The following CHCHD6 variants were observed in gnomAD, a reference collection of about 807,000 sequenced individuals.
CHCHD6 encodes coiled-coil-helix-coiled-coil-helix domain containing 6.
A neutral mutation model predicts 32.3 loss-of-function variants in CHCHD6; 28 were observed. That is an observed-to-expected ratio of 0.87 (90% CI 0.64 to 1.19). The LOEUF is 1.19. Among genes scored for constraint, CHCHD6 ranks in the 50% most tolerant of loss-of-function variants. The pLI, the probability that CHCHD6 is intolerant of heterozygous loss-of-function variation, is 0.00. For synonymous variants in CHCHD6, 122 were observed against 117.5 expected, an observed-to-expected ratio of 1.04 and a Z score of -0.25; for missense variants, 333 against 307.0, an observed-to-expected ratio of 1.08 and a Z score of -0.63.
intron 4 of CHCHD6, among the ~76,000 whole-genome samples, chr3:126,846,332 T>A (rs1363184567): frequency 6.6e-6 from 1 of 152,118 alleles, no homozygotes; most frequent in Non-Finnish European, 1.5e-5. Context: ...GGGAGGTAGA[T>A]AACAATTTGG....
intron 4 of CHCHD6, among the ~76,000 whole-genome samples, chr3:126,803,298 G>T (rs1485521203): frequency 1.3e-5 from 2 of 152,138 alleles, no homozygotes; most frequent in Non-Finnish European, 2.9e-5. Context: ...AGACCCATTG[G>T]TGTGCTGTAT....
chr3:126,956,234 T>G (rs796080661), intron 6 of CHCHD6, among the ~76,000 whole-genome samples: 18 of 152,312 alleles, frequency 1.2e-4, no homozygotes, highest in African/African-American at 4.3e-4. Context: ...GCTTTCTACA[T>G]TTTTACAGCT....
intron 4 of CHCHD6, chr3:126,766,425 C>T: frequency 1.6e-6 from 1 of 624,386 alleles, no homozygotes; most frequent in Non-Finnish European, 3.0e-6. Context: ...GGAGAAGTCT[C>T]TGGGAGCATC....
At chr3:126,956,594 T>G (rs1244897519) in intron 6 of CHCHD6, among the ~76,000 whole-genome samples, 4 of 87,724 alleles carry the variant, frequency 4.6e-5, no homozygotes, top group Non-Finnish European at 9.8e-5. Context: ...TGTGTCAGTG[T>G]GCGCACGAGA....
At chr3:126,784,277 T>G (rs1022558931) in intron 4 of CHCHD6, among the ~76,000 whole-genome samples, 5 of 152,208 alleles carry the variant, frequency 3.3e-5, no homozygotes, top group Non-Finnish European at 5.9e-5. Context: ...TTCCACTGTT[T>G]TGCTCTTCGT....
chr3:126,874,435 G>A (rs911005260), intron 5 of CHCHD6, among the ~76,000 whole-genome samples: 2 of 152,190 alleles, frequency 1.3e-5, no homozygotes, highest in Non-Finnish European at 2.9e-5. Flanking sequence ...AAGCAGCTGA[G>A]CCCGTCAGGA....
chr3:126,926,747 T>C (rs2078329663), intron 6 of CHCHD6, among the ~76,000 whole-genome samples: 1 of 152,180 alleles, frequency 6.6e-6, no homozygotes, highest in African/African-American at 2.4e-5. Context: ...TAAAAAAGGC[T>C]TTTAAGCAGG....
At chr3:126,891,859 G>T (rs2077764833) in intron 5 of CHCHD6, among the ~76,000 whole-genome samples, 1 of 152,130 alleles carries the variant, frequency 6.6e-6, no homozygotes, top group Non-Finnish European at 1.5e-5. Flanking sequence ...GTGGCAAGGG[G>T]CATGTGAGTT....
At position 126,891,446 on chromosome 3, in the gene CHCHD6, C is replaced by T. The variant is rs146241205; in HGVS notation, c.496-23234C>T. On this transcript the variant is annotated intron_variant, in intron 5 of 7. Coordinates refer to ENST00000290913, the MANE Select transcript of CHCHD6 (RefSeq NM_032343.3). ...GAGTCTAGTGGGAGTGGGAGATGGG[C>T]GGCAGGGGTGAGGCCAGTGAGGGGC... 1.8e-3 allele frequency among the ~76,000 whole-genome samples: 281 copies of T among 152,130 alleles called. 1 individual carries two copies. The highest frequency in any genetic ancestry group is 6.4e-3 in the African/African-American group (267 of 41,526).
At chr3:126,761,583 G>A (rs1937163498) in intron 4 of CHCHD6, among the ~76,000 whole-genome samples, 1 of 152,086 alleles carries the variant, frequency 6.6e-6, no homozygotes, top group Admixed American at 6.6e-5. Context: ...GCACCACCAT[G>A]CCTGGCTAAT....
intron 4 of CHCHD6, among the ~76,000 whole-genome samples, chr3:126,817,290 C>G (rs1263731299): frequency 6.7e-6 from 1 of 149,894 alleles, no homozygotes. Context: ...TTGTTGTTTT[C>G]TCTTTACAAT....
intron 4 of CHCHD6, among the ~76,000 whole-genome samples, chr3:126,808,592 C>T (rs1939517770): frequency 2.0e-5 from 3 of 152,168 alleles, no homozygotes; most frequent in African/African-American, 7.2e-5. Flanking sequence ...TTAATCCATT[C>T]CTGAAGAACT....
chr3:126,930,315 A>G (rs1016400491), intron 6 of CHCHD6, among the ~76,000 whole-genome samples: 1 of 152,212 alleles, frequency 6.6e-6, no homozygotes, highest in Admixed American at 6.5e-5. Flanking sequence ...GAAAATCCCG[A>G]CATTGAAGAC....
chr3:126,892,953 G>GTTGTTTTGTTTTGTT lies in CHCHD6; in HGVS notation c.496-21709_496-21695dup, dbSNP rs199872466. ...TTGTTTTTCTTTTTTTGTTGTTGTT[G>GTTGTTTTGTTTTGTT]TTGTTTTGTTTTGTTTTGTTTTGTT... On this transcript the variant is annotated intron_variant, in intron 5 of 7. Coordinates refer to ENST00000290913, the MANE Select transcript of CHCHD6 (RefSeq NM_032343.3). 1.6e-3 allele frequency among the ~76,000 whole-genome samples: 244 copies of GTTGTTTTGTTTTGTT among 151,702 alleles called. 1 individual carries two copies. The highest frequency in any genetic ancestry group is 5.6e-3 in the African/African-American group (232 of 41,390).
At chr3:126,903,094 C>G (rs563569469) in intron 5 of CHCHD6, among the ~76,000 whole-genome samples, 2 of 152,336 alleles carry the variant, frequency 1.3e-5, no homozygotes, top group South Asian at 2.1e-4. Flanking sequence ...GGGGCCTGCT[C>G]TCAGGAGTGT....
intron 5 of CHCHD6, among the ~76,000 whole-genome samples, chr3:126,900,762 G>A (rs1265053401): frequency 3.3e-5 from 5 of 152,198 alleles, no homozygotes; most frequent in Middle Eastern, 3.4e-3. Context: ...GTGCCACCAC[G>A]CCTGGCTGAT....
At chr3:126,724,678 C>T (rs1467253694) in intron 1 of CHCHD6, among the ~76,000 whole-genome samples, 2 of 152,146 alleles carry the variant, frequency 1.3e-5, no homozygotes, top group Non-Finnish European at 2.9e-5. Flanking sequence ...AGCATTTAAC[C>T]CATAGTGGAG....
At chr3:126,884,433 CAT>C (rs1232971243) in intron 5 of CHCHD6, among the ~76,000 whole-genome samples, 1 of 152,144 alleles carries the variant, frequency 6.6e-6, no homozygotes, top group Admixed American at 6.5e-5. Context: ...TATTGAGCTA[CAT>C]TAGCCCCACA....
intron 6 of CHCHD6, among the ~76,000 whole-genome samples, chr3:126,952,170 G>C (rs2078724778): frequency 6.6e-6 from 1 of 152,198 alleles, no homozygotes; most frequent in African/African-American, 2.4e-5. Flanking sequence ...ACCGTTGGGA[G>C]GCTATTTAAT....
Sources: gnomAD v4.1 joint callset for allele counts (sites outside exome capture counted in the v4.1 genomes callset) on GRCh38, gnomAD v4.1.1 for gene constraint, MANE v1.5 for transcripts, NCBI Gene and HGNC (gene_info 2026-07-23, HGNC 2026-07-21) for gene names.